Variants in SRD5A2 observed in about 807,000 individuals in gnomAD.
SRD5A2 encodes the protein 3-oxo-5-alpha-steroid 4-dehydrogenase 2.
SRD5A2 carries 30 observed loss-of-function variants against 27.4 expected under a neutral mutation model. The observed-to-expected ratio is 1.10, with a 90% CI of 0.82 to 1.49. SRD5A2 has a LOEUF of 1.49. Ranked by LOEUF, SRD5A2 falls within the 40% of genes most tolerant of loss-of-function variation. The probability of loss-of-function intolerance (pLI) is 0.00; values close to 1 mark genes in which losing one functional copy is unlikely to be tolerated. For synonymous variants in SRD5A2, 141 were observed against 133.6 expected (o/e 1.06, Z -0.38); for missense variants, 348 against 323.4 (o/e 1.08, Z -0.58).
At position 31,525,392 on chromosome 2, in the gene SRD5A2, T is replaced by G. The variant is rs1665755033; in HGVS notation, c.*804A>C. The G allele has an allele frequency of 4.4e-6, 1 of 226,924 alleles. No homozygotes were observed. Among genetic ancestry groups the G allele is most frequent in the South Asian group, 1.8e-4 (1 of 5,476 alleles). 14.1% of individuals were successfully genotyped at this position (226,924 alleles called of 1,614,324 possible). A position where few individuals can be genotyped will look rare whatever the true frequency, so the allele number is the denominator to read the frequency against. On this transcript the variant is annotated 3_prime_UTR_variant, in exon 5 of 5. Coordinates refer to ENST00000622030, the MANE Select transcript of SRD5A2 (RefSeq NM_000348.4). ...GTTTGCAATGTCTATTGTAAAACTG[T>G]TCTCTATCCTCTTAGTAGCCATCCA...
At chr2:31,592,008 A>G in the SRD5A2 span, among the ~76,000 whole-genome samples, 1 of 150,778 alleles carries the variant, frequency 6.6e-6, no homozygotes, top group East Asian at 2.0e-4. Flanking sequence ...TAATGGGTGC[A>G]GCACACCAAC....
the SRD5A2 span, among the ~76,000 whole-genome samples, chr2:31,630,999 C>T: frequency 1.3e-5 from 2 of 152,188 alleles, no homozygotes; most frequent in East Asian, 1.9e-4. Flanking sequence ...AATTGGTCTG[C>T]TCAAACGTGC....
Position 31,524,892 on chromosome 2 carries a change from T to G in SRD5A2, c.*1304A>C, listed in dbSNP as rs1665739039. 8.8e-6 allele frequency: 2 copies of G among 227,170 alleles called. No individual in the cohort carries two copies. The highest frequency in any genetic ancestry group is 1.8e-5 in the Non-Finnish European group (2 of 114,212). The allele number at this position is 227,170 out of a possible 1,614,324, so 14.1% of individuals were successfully genotyped here. A position where few individuals can be genotyped will look rare whatever the true frequency, so the allele number is the denominator to read the frequency against. On this transcript the variant is annotated 3_prime_UTR_variant, in exon 5 of 5. Transcript: ENST00000622030. ...GCTGGGGTGACCCCTTCACAAGAGT[T>G]TGCAAACTCAAATGCTTACTAGCTA...
Position 31,544,179 on chromosome 2 carries a change from A to G in SRD5A2, c.282-10413T>C, listed in dbSNP as rs143245979. 4.8e-3 allele frequency among the ~76,000 whole-genome samples: 728 copies of G among 152,180 alleles called. 4 individuals are homozygous for G. The highest frequency in any genetic ancestry group is 0.016 in the African/African-American group (666 of 41,574). On this transcript the variant is annotated intron_variant, in intron 1 of 4. Coordinates refer to ENST00000622030, the MANE Select transcript of SRD5A2 (RefSeq NM_000348.4). ...TTATGCACCTAATGACAGACCATCAAAATAAAGACAGTGAAAACTTCAGAA... is the reference window on the plus strand; with the variant it reads ...TTATGCACCTAATGACAGACCATCAGAATAAAGACAGTGAAAACTTCAGAA...
chr2:31,622,703 C>T, the SRD5A2 span, among the ~76,000 whole-genome samples: 1 of 152,122 alleles, frequency 6.6e-6, no homozygotes, highest in African/African-American at 2.4e-5. Flanking sequence ...GTAGATCAGA[C>T]CAGCAGTAAA....
intron 3 of SRD5A2, among the ~76,000 whole-genome samples, chr2:31,530,146 C>A (rs1225763317): frequency 6.6e-6 from 1 of 152,182 alleles, no homozygotes; most frequent in Admixed American, 6.5e-5. Flanking sequence ...AATATATCCA[C>A]ACTAAATTTT....
intron 1 of SRD5A2, among the ~76,000 whole-genome samples, chr2:31,543,386 G>A (rs772969122): frequency 1.3e-5 from 2 of 152,054 alleles, no homozygotes; most frequent in Non-Finnish European, 2.9e-5. Flanking sequence ...GGTAAACATA[G>A]GGACATTGTA....
chr2:31,588,849 A>G, the SRD5A2 span, among the ~76,000 whole-genome samples: 7 of 152,312 alleles, frequency 4.6e-5, no homozygotes, highest in African/African-American at 1.7e-4. Flanking sequence ...CAAAATTGGA[A>G]AATGGTGGAT....
the SRD5A2 span, among the ~76,000 whole-genome samples, chr2:31,611,076 T>C: frequency 3.3e-5 from 5 of 152,038 alleles, no homozygotes; most frequent in Non-Finnish European, 7.4e-5. Context: ...ACCATTGCAC[T>C]CTAGCCTAGG....
At chr2:31,597,487 G>A in the SRD5A2 span, among the ~76,000 whole-genome samples, 1 of 152,030 alleles carries the variant, frequency 6.6e-6, no homozygotes, top group Admixed American at 6.6e-5. Context: ...CTTCTGCATA[G>A]CAAAAGAAAC....
chr2:31,614,893 G>T, the SRD5A2 span, among the ~76,000 whole-genome samples: 1 of 152,134 alleles, frequency 6.6e-6, no homozygotes, highest in Non-Finnish European at 1.5e-5. Context: ...CCCACTGGGA[G>T]AAAATTGAAT....
the SRD5A2 span, among the ~76,000 whole-genome samples, chr2:31,587,085 T>C: frequency 2.6e-5 from 4 of 152,124 alleles, no homozygotes; most frequent in Admixed American, 1.3e-4. Context: ...GGATGAAGGA[T>C]ATGAAAAGAT....
chr2:31,598,597 C>A, the SRD5A2 span, among the ~76,000 whole-genome samples: 1 of 150,840 alleles, frequency 6.6e-6, no homozygotes, highest in African/African-American at 2.4e-5. Context: ...TGTTGTTATC[C>A]GCTTAATATA....
At chr2:31,650,633 T>C in the SRD5A2 span, among the ~76,000 whole-genome samples, 1 of 152,240 alleles carries the variant, frequency 6.6e-6, no homozygotes, top group Non-Finnish European at 1.5e-5. Flanking sequence ...CTAGTTTTTA[T>C]ATTCTAAGCC....
chr2:31,577,627 A>C (rs925463299), intron 1 of SRD5A2, among the ~76,000 whole-genome samples: 1 of 152,194 alleles, frequency 6.6e-6, no homozygotes, highest in Non-Finnish European at 1.5e-5. Flanking sequence ...GACATTTTGC[A>C]AAAGAGTCTG....
At chr2:31,583,931 T>C (rs1046936501), upstream of SRD5A2, among the ~76,000 whole-genome samples, 2 of 152,056 alleles carry the variant, frequency 1.3e-5, no homozygotes, top group Admixed American at 1.3e-4. Flanking sequence ...GGCAAGAGCC[T>C]TTACTGTAGT....
chr2:31,557,563 A>G (rs1415794819), intron 1 of SRD5A2, among the ~76,000 whole-genome samples: 1 of 152,186 alleles, frequency 6.6e-6, no homozygotes. Context: ...GTAATCAACA[A>G]TTTGTTTTAA....
chr2:31,558,014 C>T (rs1000666145), intron 1 of SRD5A2, among the ~76,000 whole-genome samples: 1 of 152,122 alleles, frequency 6.6e-6, no homozygotes, highest in Non-Finnish European at 1.5e-5. Context: ...TCCAAATCTG[C>T]CGATAATACC....
chr2:31,533,734 C>T lies in SRD5A2; in HGVS notation c.314G>A (p.Arg105Lys), dbSNP rs148028901. The T allele has an allele frequency of 6.2e-7, 1 of 1,602,936 alleles. No homozygotes were observed. Among genetic ancestry groups the T allele is most frequent in the African/African-American group, 1.3e-5 (1 of 74,800 alleles). ...TFVYSLLNRG[R>K]PYPAILILRG... ...GAGAATGAGTATAGCTGGATAAGGC[C>T]TCCCTCGATTGAGCAGTGAGTACAC... The change falls in exon 2 of 5, where the codon AGG (arginine) becomes AAG (lysine). Residue 105 changes from arginine to lysine, a missense_variant. Transcript: ENST00000622030.
Sources: gnomAD v4.1 joint callset for allele counts (sites outside exome capture counted in the v4.1 genomes callset) on GRCh38, gnomAD v4.1.1 for gene constraint, MANE v1.5 for transcripts, NCBI Gene and HGNC (gene_info 2026-07-23, HGNC 2026-07-21) for gene names.